Variants in PXDNL observed in about 807,000 individuals in gnomAD.
The protein encoded by PXDNL is probable oxidoreductase PXDNL.
In PXDNL, 145 loss-of-function variants were observed where a neutral mutation model predicts 150.8. That is an observed-to-expected ratio of 0.96 (90% CI 0.84 to 1.10). The LOEUF (loss-of-function observed/expected upper bound fraction) is 1.10, where lower values mean the gene tolerates loss of function less well. Ranked by LOEUF, PXDNL falls within the 50% of genes least tolerant of loss-of-function variation. The pLI, the probability that PXDNL is intolerant of heterozygous loss-of-function variation, is 0.00. For synonymous variants in PXDNL, 757 were observed against 725.7 expected (o/e 1.04, Z -0.69); for missense variants, 2,087 against 1,873.9 (o/e 1.11, Z -2.10).
intron 1 of PXDNL, among the ~76,000 whole-genome samples, chr8:51,751,918 C>A (rs2037049063): frequency 6.6e-6 from 1 of 152,158 alleles, no homozygotes; most frequent in Non-Finnish European, 1.5e-5. Flanking sequence ...GAGGGTTGGG[C>A]TGCTATTTCT....
At chr8:51,664,933 C>T (rs1032149535) in intron 1 of PXDNL, among the ~76,000 whole-genome samples, 1 of 152,128 alleles carries the variant, frequency 6.6e-6, no homozygotes, top group Non-Finnish European at 1.5e-5. Flanking sequence ...TCCTGGAATG[C>T]CCTTGCCTTT....
chr8:51,378,603 T>C (rs1325817470), intron 17 of PXDNL, among the ~76,000 whole-genome samples: 1 of 152,238 alleles, frequency 6.6e-6, no homozygotes, highest in African/African-American at 2.4e-5. Context: ...TTTTGCGCTT[T>C]GCAATAAATC....
intron 1 of PXDNL, among the ~76,000 whole-genome samples, chr8:51,668,193 T>TTTTTTTTTTTTTTTTTA: frequency 6.9e-6 from 1 of 144,554 alleles, no homozygotes; most frequent in Non-Finnish European, 1.5e-5. Flanking sequence ...TTTTTTTTTT[T>TTTTTTTTTTTTTTTTTA]GAGACAGAGT....
intron 17 of PXDNL, among the ~76,000 whole-genome samples, chr8:51,386,093 C>A (rs1807699631): frequency 6.7e-6 from 1 of 149,370 alleles, no homozygotes; most frequent in Non-Finnish European, 1.5e-5. Context: ...TTGGGTGATT[C>A]ATTCTTTTTT....
At chr8:51,710,750 A>C (rs1816481462) in intron 1 of PXDNL, among the ~76,000 whole-genome samples, 1 of 152,218 alleles carries the variant, frequency 6.6e-6, no homozygotes, top group Non-Finnish European at 1.5e-5. Context: ...AGGTTCGTCC[A>C]TGTTGTCACA....
Position 51,408,082 on chromosome 8 carries a change from C to T in PXDNL, c.3542G>A (p.Arg1181Lys), listed in dbSNP as rs200978094. The change falls in exon 17 of 23, where the codon AGA (arginine) becomes AAA (lysine). Residue 1181 changes from arginine (R) to lysine (K), a missense_variant. By Grantham distance (26) the Arg-to-Lys change is conservative. Coordinates refer to ENST00000356297, the MANE Select transcript of PXDNL (RefSeq NM_144651.5). The stretch of plus-strand genomic sequence containing the variant: ...GCATACTTACTTTCTCAGTTTTTGT[C>T]TAATCTCTGAATCTTTAATTTCATT... Reference protein sequence around the residue: ...LQNEIKDSEIRQKLRKLYGSP... With the variant: ...LQNEIKDSEIKQKLRKLYGSP... 3.7e-6 allele frequency: 6 copies of T among 1,603,480 alleles called. No individual in the cohort carries two copies. The highest frequency in any genetic ancestry group is 4.2e-6 in the Non-Finnish European group (5 of 1,176,544).
At chr8:51,373,047 C>G (rs1405035902) in intron 18 of PXDNL, among the ~76,000 whole-genome samples, 1 of 152,176 alleles carries the variant, frequency 6.6e-6, no homozygotes, top group African/African-American at 2.4e-5. Flanking sequence ...ATGGACTGAG[C>G]TGTGTCCCCC....
intron 1 of PXDNL, among the ~76,000 whole-genome samples, chr8:51,800,065 TAGTA>T (rs1436684757): frequency 1.3e-5 from 2 of 152,076 alleles, no homozygotes; most frequent in East Asian, 1.9e-4. Flanking sequence ...ACAGGTGAGG[TAGTA>T]AGTGAGGCTT....
intron 1 of PXDNL, among the ~76,000 whole-genome samples, chr8:51,671,955 C>T (rs1463434886): frequency 6.6e-6 from 1 of 152,076 alleles, no homozygotes; most frequent in Non-Finnish European, 1.5e-5. Flanking sequence ...ATGGTTTCAC[C>T]GAGAATAAAT....
intron 6 of PXDNL, among the ~76,000 whole-genome samples, chr8:51,477,931 A>C (rs754413365): frequency 5.3e-5 from 8 of 152,224 alleles, no homozygotes; most frequent in Non-Finnish European, 1.2e-4. Flanking sequence ...CAAAACATGA[A>C]GAAAACAACA....
intron 1 of PXDNL, among the ~76,000 whole-genome samples, chr8:51,808,543 G>GT (rs2129267743): frequency 6.6e-6 from 1 of 152,284 alleles, no homozygotes; most frequent in East Asian, 1.9e-4. Flanking sequence ...ACTCAGACCT[G>GT]TTTGACTTCC....
At chr8:51,366,986 A>G (rs1318294480) in intron 19 of PXDNL, among the ~76,000 whole-genome samples, 1 of 150,810 alleles carries the variant, frequency 6.6e-6, no homozygotes, top group South Asian at 2.1e-4. Flanking sequence ...CTGTAGTCCC[A>G]GCTACTTTGG....
At chr8:51,397,760 T>C (rs1228812825) in intron 17 of PXDNL, among the ~76,000 whole-genome samples, 1 of 152,114 alleles carries the variant, frequency 6.6e-6, no homozygotes, top group East Asian at 1.9e-4. Flanking sequence ...GAGGCCTTTT[T>C]TTTTATTATT....
At chr8:51,463,780 A>T (rs915744114) in intron 8 of PXDNL, among the ~76,000 whole-genome samples, 9 of 152,224 alleles carry the variant, frequency 5.9e-5, no homozygotes, top group Non-Finnish European at 1.3e-4. Context: ...TAATAAAAAT[A>T]AAAAATGAAT....
At chr8:51,668,174 C>CTTTTTT (rs1447281482) in intron 1 of PXDNL, among the ~76,000 whole-genome samples, 1 of 21,738 alleles carries the variant, frequency 4.6e-5, no homozygotes, top group Non-Finnish European at 7.3e-5. Context: ...TTCTCGCTCT[C>CTTTTTT]TCTTTTTTTT....
rs764592107 is a variant in PXDNL at position 51,409,020 on chromosome 8, C to A, written c.2604G>T (p.Ala868=). Residue 868 remains alanine (A), a synonymous_variant, in exon 17 of 23, where the codon GCG becomes GCT. Transcript: ENST00000356297. ...TCGCAGAGGGACGGCCGCTGGCACA[C>A]GCGGGGCTGGAGCGCGCGAAGAGCA... is the stretch of plus-strand genomic sequence containing the variant. The part of the protein sequence containing the change: ...PCMLFARSSP[A]CASGRPSATV... The A allele has an allele frequency of 6.2e-7, 1 of 1,610,854 alleles. No individual in the cohort carries two copies. The highest frequency in any genetic ancestry group is 1.7e-5 in the Admixed American group (1 of 60,012).
In PXDNL at chr8:51,761,020, G is replaced by A. The variant is rs529492020; in HGVS notation, c.164+48161C>T. Among the ~76,000 whole-genome samples, 11 of 139,732 alleles carry A rather than the reference G, an allele frequency of 7.9e-5. No homozygotes were observed. In the East Asian group the frequency reaches 1.2e-3, roughly 16 times the overall value. 91.7% of individuals were successfully genotyped at this position (139,732 alleles called of 152,430 possible). ...TCGACAGGCGCCCGCCACAACGCCC[G>A]GCTAATTTTTTTTTTTTTTTTTTTT... is the stretch of plus-strand genomic sequence containing the variant. On this transcript the variant is annotated intron_variant, in intron 1 of 22. Transcript: ENST00000356297.
intron 17 of PXDNL, among the ~76,000 whole-genome samples, chr8:51,381,746 G>A (rs1428207913): frequency 6.6e-6 from 1 of 151,410 alleles, no homozygotes; most frequent in African/African-American, 2.4e-5. Flanking sequence ...TCCACCTCCC[G>A]GGTTCATGCC....
At chr8:51,764,977 G>A (rs1369693453) in intron 1 of PXDNL, among the ~76,000 whole-genome samples, 2 of 151,994 alleles carry the variant, frequency 1.3e-5, no homozygotes, top group Non-Finnish European at 2.9e-5. Flanking sequence ...CTGTTATTGA[G>A]TGCATATATA....
Sources: allele counts gnomAD v4.1 joint callset (sites outside exome capture counted in the v4.1 genomes callset), GRCh38; gene constraint gnomAD v4.1.1; transcripts MANE v1.5; gene names NCBI Gene and HGNC (gene_info 2026-07-23, HGNC 2026-07-21).